Variants in PPP1R9A observed in about 807,000 individuals in gnomAD.
PPP1R9A encodes protein phosphatase 1 regulatory subunit 9A.
A neutral mutation model predicts 141.9 loss-of-function variants in PPP1R9A; 59 were observed. The observed-to-expected ratio is 0.42, with a 90% CI of 0.34 to 0.52. PPP1R9A has a LOEUF of 0.52. PPP1R9A is among the 20% of genes least tolerant of loss of function. The pLI, the probability that PPP1R9A is intolerant of heterozygous loss-of-function variation, is 0.10. For missense variants in PPP1R9A, 1,444 were observed against 1,611.9 expected (o/e 0.90, Z 1.78); for synonymous variants, 500 against 569.7 (o/e 0.88, Z 1.74).
chr7:95,198,444 T>C lies in PPP1R9A; in HGVS notation c.1850T>C (p.Leu617Pro). The C allele has an allele frequency of 7.4e-6, 12 of 1,613,094 alleles. No individual in the cohort carries two copies. The highest frequency in any genetic ancestry group is 1.0e-5 in the Non-Finnish European group (12 of 1,179,628). Reference protein sequence around the residue: ...LEQERRQRELLEQHYAQYDAD... With the variant: ...LEQERRQRELPEQHYAQYDAD... Reference sequence around the variant, plus strand: ...CAGGAGAGGCGCCAGAGAGAGCTGCTGGAACAGCACTATGCCCAGTATGAT... The same window carrying C: ...CAGGAGAGGCGCCAGAGAGAGCTGCCGGAACAGCACTATGCCCAGTATGAT... The change falls in exon 6 of 20, where the codon CTG becomes CCG. Residue 617 changes from leucine to proline, a missense_variant. Physicochemically the swap from Leu to Pro is moderately conservative, Grantham distance 98. Transcript: ENST00000433360.
At chr7:95,094,013 G>C (rs1391825494) in intron 2 of PPP1R9A, among the ~76,000 whole-genome samples, 5 of 152,098 alleles carry the variant, frequency 3.3e-5, no homozygotes, top group Non-Finnish European at 7.4e-5. Flanking sequence ...ACTCCAAAGC[G>C]GCTGATTTAT....
At chr7:95,272,649 C>G (rs1473379692) in intron 14 of PPP1R9A, among the ~76,000 whole-genome samples, 1 of 152,148 alleles carries the variant, frequency 6.6e-6, no homozygotes, top group African/African-American at 2.4e-5. Flanking sequence ...TCCTGTGCTG[C>G]TTGAGAGCTT....
chr7:94,990,803 T>TG (rs1801411702), intron 2 of PPP1R9A, among the ~76,000 whole-genome samples: 1 of 152,132 alleles, frequency 6.6e-6, no homozygotes, highest in African/African-American at 2.4e-5. Flanking sequence ...CATGTGGTGT[T>TG]TAACTTTCTG....
chr7:95,110,096 A>G (rs1275517488), intron 2 of PPP1R9A, among the ~76,000 whole-genome samples: 2 of 152,158 alleles, frequency 1.3e-5, no homozygotes, highest in East Asian at 1.9e-4. Flanking sequence ...TACAAATGAT[A>G]CTATTTAAGA....
chr7:95,168,753 A>T (rs1399664456), intron 5 of PPP1R9A, among the ~76,000 whole-genome samples: 1 of 152,132 alleles, frequency 6.6e-6, no homozygotes, highest in Non-Finnish European at 1.5e-5. Flanking sequence ...TTCTCAAAAT[A>T]AGACATAGAA....
intron 5 of PPP1R9A, among the ~76,000 whole-genome samples, chr7:95,165,894 T>C (rs1831167264): frequency 6.6e-6 from 1 of 152,112 alleles, no homozygotes; most frequent in African/African-American, 2.4e-5. Context: ...ATGCCTGGAA[T>C]CCCATCATTT....
At chr7:95,045,267 G>A (rs1250987604) in intron 2 of PPP1R9A, among the ~76,000 whole-genome samples, 1 of 152,184 alleles carries the variant, frequency 6.6e-6, no homozygotes, top group Non-Finnish European at 1.5e-5. Flanking sequence ...ATGCTTTAGA[G>A]CAGGAAACAA....
chr7:95,290,411 C>A lies in PPP1R9A; in HGVS notation c.*108C>A. On this transcript the variant is annotated 3_prime_UTR_variant, in exon 20 of 20. Transcript: ENST00000433360. ...AAGAAACTAAATGATAAGGGTAATG[C>A]GGCTCTAGGCCGGCTGAGGAACTGT... 1 of 1,249,864 alleles carries A rather than the reference C, an allele frequency of 8.0e-7. No homozygotes were observed. The highest frequency in any genetic ancestry group is 1.6e-5 in the South Asian group (1 of 63,206). The allele number at this position is 1,249,864 out of a possible 1,614,324, so 77.4% of individuals were successfully genotyped here.
intron 4 of PPP1R9A, among the ~76,000 whole-genome samples, chr7:95,137,203 T>G (rs1418244606): frequency 6.6e-6 from 1 of 151,672 alleles, no homozygotes; most frequent in African/African-American, 2.4e-5. Context: ...TCATTTACAT[T>G]AGGTATATCT....
chr7:95,038,750 A>G (rs1019028343), intron 2 of PPP1R9A, among the ~76,000 whole-genome samples: 1 of 152,206 alleles, frequency 6.6e-6, no homozygotes, highest in Non-Finnish European at 1.5e-5. Flanking sequence ...ACAGAGGTTT[A>G]GTATAATCAG....
At chr7:95,032,437 C>G (rs1563145416) in intron 2 of PPP1R9A, among the ~76,000 whole-genome samples, 1 of 151,978 alleles carries the variant, frequency 6.6e-6, no homozygotes, top group Non-Finnish European at 1.5e-5. Flanking sequence ...ACTCATCAAA[C>G]TAAGGGTAGG....
intron 3 of PPP1R9A, among the ~76,000 whole-genome samples, chr7:95,114,202 C>T (rs1821069154): frequency 6.6e-6 from 1 of 152,110 alleles, no homozygotes; most frequent in African/African-American, 2.4e-5. Flanking sequence ...AGGTGCCACA[C>T]TTCATGCAGC....
At chr7:95,136,746 A>G (rs1825734785) in intron 4 of PPP1R9A, among the ~76,000 whole-genome samples, 1 of 152,246 alleles carries the variant, frequency 6.6e-6, no homozygotes, top group South Asian at 2.1e-4. Flanking sequence ...AACCACAAAT[A>G]AAAGGAATTC....
intron 2 of PPP1R9A, among the ~76,000 whole-genome samples, chr7:94,991,956 G>A (rs1029101004): frequency 1.1e-4 from 17 of 152,166 alleles, no homozygotes; most frequent in Non-Finnish European, 2.4e-4. Flanking sequence ...CCGGCCTGTT[G>A]TCACCACTCT....
intron 8 of PPP1R9A, among the ~76,000 whole-genome samples, chr7:95,226,606 G>A (rs1250158551): frequency 6.6e-6 from 1 of 152,162 alleles, no homozygotes; most frequent in African/African-American, 2.4e-5. Context: ...ACAGGGACTG[G>A]CAACAGCAGG....
intron 5 of PPP1R9A, among the ~76,000 whole-genome samples, chr7:95,187,378 T>C (rs1484117099): frequency 6.6e-6 from 1 of 152,166 alleles, no homozygotes; most frequent in African/African-American, 2.4e-5. Flanking sequence ...ATTTCATTTC[T>C]AATTGAGCTT....
At chr7:95,269,624 TC>T in intron 14 of PPP1R9A, 117 bp downstream of exon 14, 7 of 755,098 alleles carry the variant, frequency 9.3e-6, no homozygotes, top group Non-Finnish European at 1.3e-5. Flanking sequence ...AATATTAATT[TC>T]TTTTTATATT....
intron 12 of PPP1R9A, among the ~76,000 whole-genome samples, chr7:95,252,703 G>A (rs138999058): frequency 0.014 from 2,157 of 152,068 alleles, 55 homozygotes; most frequent in African/African-American, 0.049. Flanking sequence ...CCTGACCTCA[G>A]GTGATCCACC....
chr7:95,215,979 A>C (rs182443952), intron 7 of PPP1R9A, among the ~76,000 whole-genome samples: 4 of 152,312 alleles, frequency 2.6e-5, no homozygotes, highest in African/African-American at 9.6e-5. Context: ...TAATTTAATT[A>C]GATCCCATTT....
Sources: allele counts gnomAD v4.1 joint callset (sites outside exome capture counted in the v4.1 genomes callset), GRCh38; gene constraint gnomAD v4.1.1; transcripts MANE v1.5; gene names NCBI Gene and HGNC (gene_info 2026-07-23, HGNC 2026-07-21).